The following EPM2A variants were observed in gnomAD, a reference collection of about 807,000 sequenced individuals.
EPM2A encodes EPM2A glucan phosphatase, laforin, also known as laforin.
In EPM2A, 21 loss-of-function variants were observed where a neutral mutation model predicts 26.5. The ratio of observed to expected loss-of-function variants is 0.79; its 90% CI spans 0.56 to 1.14. The LOEUF (loss-of-function observed/expected upper bound fraction) is 1.14. EPM2A is among the 50% of genes most tolerant of loss of function. The pLI is 0.00. For missense variants in EPM2A, 458 were observed against 440.8 expected (o/e 1.04, Z -0.35); for synonymous variants, 217 against 177.6 (o/e 1.22, Z -1.76).
intron 2 of EPM2A, among the ~76,000 whole-genome samples, chr6:145,537,111 T>C (rs1780442807): frequency 6.6e-6 from 1 of 152,220 alleles, no homozygotes; most frequent in Non-Finnish European, 1.5e-5. Context: ...GGGCCAACTG[T>C]TACAGGAATT....
intron 4 of EPM2A, chr6:145,490,256 T>C (rs1779737604): frequency 3.7e-6 from 5 of 1,334,176 alleles, no homozygotes; most frequent in South Asian, 1.4e-5. Context: ...AGAACAATAG[T>C]TGGGTTTACA....
chr6:145,601,311 T>C (rs1781414435), intron 2 of EPM2A, among the ~76,000 whole-genome samples: 1 of 152,154 alleles, frequency 6.6e-6, no homozygotes, highest in African/African-American at 2.4e-5. Flanking sequence ...TTTATTTATT[T>C]GTTTGTGTGT....
intron 2 of EPM2A, among the ~76,000 whole-genome samples, chr6:145,547,874 A>T (rs386678): frequency 6.6e-6 from 1 of 151,658 alleles, no homozygotes; most frequent in African/African-American, 2.4e-5. Context: ...CCTTTTAAAT[A>T]TTTTTCCTAC....
At chr6:145,389,764 G>GT (rs1204853757) in intron 4 of EPM2A, among the ~76,000 whole-genome samples, 1 of 152,098 alleles carries the variant, frequency 6.6e-6, no homozygotes, top group Non-Finnish European at 1.5e-5. Flanking sequence ...TACACGAAGA[G>GT]TAATTTCTCC....
At chr6:145,404,476 T>C (rs1186474466) in intron 4 of EPM2A, among the ~76,000 whole-genome samples, 1 of 152,162 alleles carries the variant, frequency 6.6e-6, no homozygotes, top group East Asian at 1.9e-4. Context: ...AGGGTCAGAA[T>C]AAGGGCATAT....
intron 4 of EPM2A, among the ~76,000 whole-genome samples, chr6:145,493,223 G>C (rs1455752185): frequency 1.3e-5 from 2 of 152,194 alleles, no homozygotes; most frequent in African/African-American, 2.4e-5. Context: ...TCTTCTTGTA[G>C]AGATCTTTCA....
At chr6:145,557,216 A>G (rs1001184339) in intron 2 of EPM2A, among the ~76,000 whole-genome samples, 2 of 152,118 alleles carry the variant, frequency 1.3e-5, no homozygotes, top group African/African-American at 4.8e-5. Flanking sequence ...AGTTCCACAG[A>G]ACCATTGGCT....
intron 2 of EPM2A, among the ~76,000 whole-genome samples, chr6:145,572,919 A>T (rs1012891339): frequency 6.6e-6 from 1 of 152,220 alleles, no homozygotes; most frequent in African/African-American, 2.4e-5. Flanking sequence ...AAATCCAAGT[A>T]GGCACGCTAG....
chr6:145,716,605 TC>T lies in EPM2A; in HGVS notation c.301+18592del, dbSNP rs1325124590. On this transcript the variant is annotated intron_variant, in intron 1 of 3. Coordinates refer to ENST00000367519, the MANE Select transcript of EPM2A (RefSeq NM_005670.4). ...ATCCTGGAGTGGCCGCCCCACAGCC[TC>T]CTGCAGCTGCCATTCCCACGCTCCT... Among the ~76,000 whole-genome samples, 3 of 152,142 alleles carry T rather than the reference TC, an allele frequency of 2.0e-5. No homozygotes were observed. In the South Asian group the frequency reaches 6.2e-4, roughly 32 times the overall value.
At chr6:145,578,471 C>A (rs1228257949) in intron 2 of EPM2A, among the ~76,000 whole-genome samples, 2 of 152,100 alleles carry the variant, frequency 1.3e-5, no homozygotes, top group Non-Finnish European at 2.9e-5. Context: ...GACAATAGAA[C>A]CTTCCAAGAT....
At position 145,640,210 on chromosome 6, in the gene EPM2A, T is replaced by C. The variant is rs182330369; in HGVS notation, c.477-4724A>G. The C allele has an allele frequency of 2.6e-5, 4 of 152,264 alleles. No individual in the cohort carries two copies. The East Asian group carries it at 7.7e-4, about 29-fold the overall frequency. 9.4% of individuals were successfully genotyped at this position (152,264 alleles called of 1,614,324 possible). A position where few individuals can be genotyped will look rare whatever the true frequency, so the allele number is the denominator to read the frequency against. ...CAGACAGAATGACCATCCAAGCACT[T>C]TGTAAAAATCACCACAGGGTATCGA... is the stretch of plus-strand genomic sequence containing the variant. On this transcript the variant is annotated intron_variant, in intron 2 of 3. Transcript: ENST00000367519.
At chr6:145,562,463 T>C (rs943094688) in intron 2 of EPM2A, among the ~76,000 whole-genome samples, 2 of 152,150 alleles carry the variant, frequency 1.3e-5, no homozygotes, top group Admixed American at 1.3e-4. Flanking sequence ...TCATGCCAAT[T>C]TAATAAATTA....
chr6:145,410,961 G>A (rs192196906), intron 4 of EPM2A, among the ~76,000 whole-genome samples: 281 of 152,252 alleles, frequency 1.8e-3, no homozygotes, highest in Middle Eastern at 6.8e-3. Context: ...GACCTGACCA[G>A]TTTTCTCTAA....
chr6:145,565,097 C>T (rs1660800709), intron 2 of EPM2A, among the ~76,000 whole-genome samples: 1 of 152,150 alleles, frequency 6.6e-6, no homozygotes, highest in African/African-American at 2.4e-5. Context: ...TTTGACTTCT[C>T]TGTTTGTCTG....
At chr6:145,673,679 T>C (rs934045928) in intron 2 of EPM2A, among the ~76,000 whole-genome samples, 2 of 152,022 alleles carry the variant, frequency 1.3e-5, no homozygotes, top group Non-Finnish European at 2.9e-5. Flanking sequence ...ACTGCTAGTG[T>C]AGCAGTCTGA....
chr6:145,727,143 C>T (rs1776252043), intron 1 of EPM2A, among the ~76,000 whole-genome samples: 1 of 152,068 alleles, frequency 6.6e-6, no homozygotes, highest in Non-Finnish European at 1.5e-5. Flanking sequence ...TAGTCAAATA[C>T]TATCAATAAC....
At chr6:145,493,992 C>T (rs372150915) in intron 4 of EPM2A, among the ~76,000 whole-genome samples, 1 of 152,264 alleles carries the variant, frequency 6.6e-6, no homozygotes, top group Non-Finnish European at 1.5e-5. Flanking sequence ...ATGATGCTGG[C>T]CTCATAGAAT....
downstream of EPM2A, among the ~76,000 whole-genome samples, chr6:145,499,991 C>T (rs528859932): frequency 4.7e-5 from 7 of 147,876 alleles, no homozygotes; most frequent in South Asian, 6.8e-4. Context: ...AATGTTTCTT[C>T]GTAACATCAA....
At chr6:145,432,714 C>G (rs1457742736) in intron 4 of EPM2A, among the ~76,000 whole-genome samples, 3 of 152,154 alleles carry the variant, frequency 2.0e-5, no homozygotes, top group African/African-American at 7.2e-5. Flanking sequence ...TAGCTCCTCA[C>G]AAGAGTCAAC....
Sources: gnomAD v4.1 joint callset for allele counts (sites outside exome capture counted in the v4.1 genomes callset) on GRCh38, gnomAD v4.1.1 for gene constraint, MANE v1.5 for transcripts, NCBI Gene and HGNC (gene_info 2026-07-23, HGNC 2026-07-21) for gene names.